Variants in ABLIM1 observed in about 807,000 individuals in gnomAD.
The protein encoded by ABLIM1 is actin binding LIM protein 1.
In ABLIM1, 40 loss-of-function variants were observed where a neutral mutation model predicts 107.0. The observed-to-expected ratio is 0.37, with a 90% CI of 0.29 to 0.49. ABLIM1 has a LOEUF of 0.49. Ranked by LOEUF, ABLIM1 falls within the 20% of genes least tolerant of loss-of-function variation. The pLI, the probability that ABLIM1 is intolerant of heterozygous loss-of-function variation, is 0.97. For missense variants in ABLIM1, 857 were observed against 1,008.5 expected, an observed-to-expected ratio of 0.85 and a Z score of 2.04; for synonymous variants, 357 against 357.3, an observed-to-expected ratio of 1.00 and a Z score of 0.01.
chr10:114,527,159 G>A (rs1429234984), intron 6 of ABLIM1, among the ~76,000 whole-genome samples: 5 of 152,144 alleles, frequency 3.3e-5, no homozygotes, highest in Non-Finnish European at 7.4e-5. Context: ...TCTCGGATTT[G>A]AGATGATGGA....
chr10:114,722,591 C>T (rs577130753), intron 1 of ABLIM1, among the ~76,000 whole-genome samples: 4 of 152,356 alleles, frequency 2.6e-5, no homozygotes, highest in African/African-American at 4.8e-5. Flanking sequence ...TTTACATGTA[C>T]ACACACAAAC....
intron 17 of ABLIM1, among the ~76,000 whole-genome samples, chr10:114,443,703 G>A (rs7914627): frequency 0.96 from 140,233 of 146,752 alleles, 67,044 homozygotes; most frequent in East Asian, 1. Context: ...AGAAGAAGAA[G>A]AAAAGCATCA....
At chr10:114,579,640 C>T (rs2073107277) in intron 2 of ABLIM1, among the ~76,000 whole-genome samples, 2 of 152,268 alleles carry the variant, frequency 1.3e-5, no homozygotes. Context: ...GTGTACAGGT[C>T]AGTGGCATTA....
At chr10:114,466,356 G>A (rs939652678) in intron 11 of ABLIM1, among the ~76,000 whole-genome samples, 4 of 152,060 alleles carry the variant, frequency 2.6e-5, no homozygotes, top group Non-Finnish European at 4.4e-5. Context: ...AACCTTAATA[G>A]AGATAGGGCT....
intron 4 of ABLIM1, among the ~76,000 whole-genome samples, chr10:114,558,145 T>C (rs2069051097): frequency 6.6e-6 from 1 of 152,144 alleles, no homozygotes; most frequent in Non-Finnish European, 1.5e-5. Context: ...ACCAAACCCC[T>C]GGTATTTCGG....
intron 1 of ABLIM1, among the ~76,000 whole-genome samples, chr10:114,646,168 C>CT (rs576079246): frequency 9.2e-4 from 140 of 152,292 alleles, no homozygotes; most frequent in African/African-American, 3.2e-3. Flanking sequence ...ATATTTAGAA[C>CT]TTAAATTCTT....
At chr10:114,467,814 G>T (rs985644915) in intron 11 of ABLIM1, among the ~76,000 whole-genome samples, 4 of 152,054 alleles carry the variant, frequency 2.6e-5, no homozygotes, top group Non-Finnish European at 5.9e-5. Flanking sequence ...TATAGAATAC[G>T]CCATGATGGC....
At chr10:114,769,358 AAAAG>A (rs201462629), upstream of ABLIM1, among the ~76,000 whole-genome samples, 1,130 of 149,752 alleles carry the variant, frequency 7.5e-3, 14 homozygotes, top group Non-Finnish European at 0.011. Context: ...GAAAGAAAGA[AAAAG>A]AAAGAAAGAG....
chr10:114,479,842 C>T (rs1209802298), intron 8 of ABLIM1, among the ~76,000 whole-genome samples: 2 of 152,190 alleles, frequency 1.3e-5, no homozygotes, highest in Non-Finnish European at 2.9e-5. Flanking sequence ...GAATTCCAAA[C>T]ATGTTGAATT....
chr10:114,632,395 G>C lies in ABLIM1; in HGVS notation c.244+25562C>G, dbSNP rs1412549027. 6.1e-6 allele frequency: 6 copies of C among 985,286 alleles called. No individual in the cohort carries two copies. The East Asian group carries it at 6.8e-4, about 112-fold the overall frequency. The allele number at this position is 985,286 out of a possible 1,614,324, so 61.0% of individuals were successfully genotyped here. A position where few individuals can be genotyped will look rare whatever the true frequency, so the allele number is the denominator to read the frequency against. ...GAGACGGTTCCAATAAGTAAAACTA[G>C]TCAATGGTTAGCTTATTGGCTCCCT... On this transcript the variant is annotated intron_variant, in intron 1 of 22. Coordinates refer to ENST00000533213, the MANE Select transcript of ABLIM1 (RefSeq NM_002313.7).
chr10:114,753,503 T>C (rs1361817317), intron 1 of ABLIM1, among the ~76,000 whole-genome samples: 2 of 152,360 alleles, frequency 1.3e-5, no homozygotes, highest in Admixed American at 6.5e-5. Flanking sequence ...AGCCATATGA[T>C]TGAACGTTAT....
chr10:114,586,429 T>G (rs2074200965), intron 2 of ABLIM1, among the ~76,000 whole-genome samples: 1 of 152,132 alleles, frequency 6.6e-6, no homozygotes, highest in African/African-American at 2.4e-5. Flanking sequence ...ACAGGAATAA[T>G]TAAAGGGTTG....
chr10:114,658,430 T>A, upstream of ABLIM1: 10 of 611,990 alleles, frequency 1.6e-5, no homozygotes, highest in South Asian at 4.4e-5. Flanking sequence ...CTCGAGACTT[T>A]CAGTCTCAGA....
chr10:114,634,814 TA>T (rs1434749111), intron 1 of ABLIM1, among the ~76,000 whole-genome samples: 3 of 152,198 alleles, frequency 2.0e-5, no homozygotes, highest in Non-Finnish European at 4.4e-5. Flanking sequence ...TACTTTGGGA[TA>T]AAAGTATCCA....
At chr10:114,663,858 C>T (rs1591773006) in intron 1 of ABLIM1, among the ~76,000 whole-genome samples, 2 of 152,316 alleles carry the variant, frequency 1.3e-5, no homozygotes, top group East Asian at 3.9e-4. Flanking sequence ...GAGTTGCTGA[C>T]CTTGGAGCAG....
At chr10:114,663,301 T>C (rs2079873177) in intron 1 of ABLIM1, among the ~76,000 whole-genome samples, 1 of 152,214 alleles carries the variant, frequency 6.6e-6, no homozygotes. Context: ...CCCATGGTAT[T>C]TGTAATCCTG....
At chr10:114,677,492 G>A (rs1263697683) in intron 1 of ABLIM1, among the ~76,000 whole-genome samples, 1 of 152,168 alleles carries the variant, frequency 6.6e-6, no homozygotes, top group Non-Finnish European at 1.5e-5. Flanking sequence ...TGGCTAACTG[G>A]CTAGGTATAG....
At chr10:114,631,893 T>C (rs1353880861) in intron 1 of ABLIM1, 2 of 1,304,120 alleles carry the variant, frequency 1.5e-6, no homozygotes, top group South Asian at 2.5e-5. Flanking sequence ...GATCGATATT[T>C]ATAATTACCT....
chr10:114,463,834 A>G (rs2064499212), intron 12 of ABLIM1, among the ~76,000 whole-genome samples: 1 of 152,204 alleles, frequency 6.6e-6, no homozygotes, highest in African/African-American at 2.4e-5. Flanking sequence ...TATATGGATC[A>G]CAAGTATGCT....
Sources: allele counts gnomAD v4.1 joint callset (sites outside exome capture counted in the v4.1 genomes callset), GRCh38; gene constraint gnomAD v4.1.1; transcripts MANE v1.5; gene names NCBI Gene and HGNC (gene_info 2026-07-23, HGNC 2026-07-21).